Variants in ZFYVE16 observed in about 807,000 individuals in gnomAD.
The protein encoded by ZFYVE16 is zinc finger FYVE-type containing 16.
In ZFYVE16, 89 loss-of-function variants were observed where a neutral mutation model predicts 138.1. The observed-to-expected ratio is 0.64, with a 90% CI of 0.54 to 0.77. The LOEUF is 0.77. ZFYVE16 is among the 30% of genes least tolerant of loss of function. The probability of loss-of-function intolerance (pLI) is 0.00; values close to 1 mark genes in which losing one functional copy is unlikely to be tolerated. For missense variants in ZFYVE16, 1,793 were observed against 1,786.7 expected, an observed-to-expected ratio of 1.00 and a Z score of -0.06; for synonymous variants, 596 against 618.3, an observed-to-expected ratio of 0.96 and a Z score of 0.53.
intron 18 of ZFYVE16, among the ~76,000 whole-genome samples, chr5:80,475,326 G>A (rs1369897126): frequency 6.6e-6 from 1 of 152,204 alleles, no homozygotes; most frequent in Non-Finnish European, 1.5e-5. Flanking sequence ...GGACCACCTC[G>A]CTGAATATTT....
chr5:80,457,163 A>T, intron 14 of ZFYVE16, 71 bp downstream of exon 14: 1 of 1,551,222 alleles, frequency 6.4e-7, no homozygotes, highest in Non-Finnish European at 8.7e-7. Flanking sequence ...CAAAGGGGAA[A>T]TATATGTATA....
chr5:80,428,685 C>T (rs1055709448), intron 2 of ZFYVE16, among the ~76,000 whole-genome samples: 5 of 152,110 alleles, frequency 3.3e-5, no homozygotes, highest in Non-Finnish European at 7.4e-5. Context: ...TCGAACCCAT[C>T]GCAAAGAAGC....
At chr5:80,414,855 G>A (rs951892237) in intron 1 of ZFYVE16, among the ~76,000 whole-genome samples, 1 of 152,164 alleles carries the variant, frequency 6.6e-6, no homozygotes, top group Non-Finnish European at 1.5e-5. Context: ...GGAAAGGAGA[G>A]GTAGGGGATG....
intron 3 of ZFYVE16, chr5:80,435,666 T>C: frequency 2.6e-6 from 1 of 384,330 alleles, no homozygotes; most frequent in Non-Finnish European, 5.2e-6. Context: ...ATTCCTGCCC[T>C]CAGGCAATCC....
chr5:80,416,696 A>G (rs1746313223), intron 1 of ZFYVE16, among the ~76,000 whole-genome samples: 1 of 151,582 alleles, frequency 6.6e-6, no homozygotes, highest in Non-Finnish European at 1.5e-5. Flanking sequence ...GTGTACATCA[A>G]CTTTTACTTT....
intron 2 of ZFYVE16, among the ~76,000 whole-genome samples, chr5:80,431,006 G>A (rs1218365933): frequency 6.6e-6 from 1 of 152,122 alleles, no homozygotes; most frequent in South Asian, 2.1e-4. Context: ...TTCTACCAGA[G>A]GTACAAGGAG....
chr5:80,435,662 G>A, intron 3 of ZFYVE16: 1 of 379,058 alleles, frequency 2.6e-6, no homozygotes, highest in South Asian at 1.9e-5. Context: ...TTGAATTCCT[G>A]CCCTCAGGCA....
intron 15 of ZFYVE16, among the ~76,000 whole-genome samples, chr5:80,470,097 G>GTATA (rs1214177127): frequency 8.1e-6 from 1 of 123,736 alleles, no homozygotes; most frequent in African/African-American, 3.2e-5. Flanking sequence ...GTGTGTGTGT[G>GTATA]TGTATTTTTT....
rs1051354040 is a variant in ZFYVE16, at chr5:80,473,155, T to G, written c.4187+232T>G. On this transcript the variant is annotated intron_variant, in intron 16 of 18. Coordinates refer to ENST00000505560, the MANE Select transcript of ZFYVE16 (RefSeq NM_001284236.3). The stretch of plus-strand genomic sequence containing the variant: ...GGTCCATTTGAGAGGGGCTTGATGA[T>G]GACACATCTGTTGTGTAGCAGTGTG... Among the ~76,000 whole-genome samples, 10 of 152,296 alleles carry G rather than the reference T, an allele frequency of 6.6e-5. 1 individual carries two copies. The East Asian group carries it at 1.7e-3, about 26-fold the overall frequency.
intron 8 of ZFYVE16, among the ~76,000 whole-genome samples, chr5:80,448,744 G>A (rs1048994290): frequency 2.0e-5 from 3 of 152,044 alleles, no homozygotes; most frequent in Admixed American, 6.5e-5. Context: ...AAAGAAAAGA[G>A]CATTAGATTG....
intron 1 of ZFYVE16, among the ~76,000 whole-genome samples, chr5:80,419,919 C>G (rs531279758): frequency 2.0e-5 from 3 of 151,890 alleles, no homozygotes; most frequent in Admixed American, 6.6e-5. Flanking sequence ...TCAAGCGATT[C>G]TCCTGCCTCA....
rs770823992 is a variant in ZFYVE16 at position 80,437,224 on chromosome 5, A to G, written c.539A>G (p.His180Arg). Residue 180 changes from histidine (H) to arginine (R), a missense_variant, in exon 4 of 19, where the codon CAT (histidine) becomes CGT (arginine). Around this residue, in one of 2 missense-constraint regions of ZFYVE16, gnomAD observed 1,295 missense variants for 1,204.3 expected, o/e 1.08. Coordinates refer to ENST00000505560, the MANE Select transcript of ZFYVE16 (RefSeq NM_001284236.3). Reference sequence around the variant, plus strand: ...ACTCCCTGTGTTTCTTCAACAGACCATGATAGTGATACTGTCAGAGAACAA... The same window carrying G: ...ACTCCCTGTGTTTCTTCAACAGACCGTGATAGTGATACTGTCAGAGAACAA... ...SDTPCVSSTDHDSDTVREQQN... is the reference protein window; with the variant it reads ...SDTPCVSSTDRDSDTVREQQN... The G allele has an allele frequency of 1.2e-5, 20 of 1,613,960 alleles. No homozygotes were observed. Among genetic ancestry groups the G allele is most frequent in the Middle Eastern group, 3.3e-4 (2 of 6,062 alleles).
chr5:80,481,146 T>A lies in ZFYVE16; in HGVS notation c.*3769T>A, dbSNP rs144298112. Among the ~76,000 whole-genome samples, 2 of 152,250 alleles carry A rather than the reference T, an allele frequency of 1.3e-5. No individual in the cohort carries two copies. The highest frequency in any genetic ancestry group is 1.9e-4 in the East Asian group (1 of 5,176). On this transcript the variant is annotated 3_prime_UTR_variant, in exon 19 of 19. Transcript: ENST00000505560. ...TAATGACTTGGAACCTTCTGGACTT[T>A]CCTTGCTCTACATCAATCCCGCAGC... is the stretch of plus-strand genomic sequence containing the variant.
chr5:80,448,362 A>C lies in ZFYVE16; in HGVS notation c.3061A>C (p.Ser1021Arg). 1.3e-6 allele frequency: 2 copies of C among 1,578,980 alleles called. No homozygotes were observed. The highest frequency in any genetic ancestry group is 1.7e-4 in the Middle Eastern group (1 of 5,944). ...TAGTCTTCTACCTAATGATGAGGAC[A>C]GTTTGCCCCCACTTCTGGTTGCATC... ...KISLLPNDED[S>R]LPPLLVASGE... The change falls in exon 8 of 19, where the codon AGT (serine) becomes CGT (arginine). Residue 1021 changes from serine (S) to arginine (R), a missense_variant. Physicochemically the swap from Ser to Arg is moderately radical, Grantham distance 110. This residue lies in a region of ZFYVE16 where 1,295 missense variants were observed against 1,204.3 expected (regional missense o/e 1.08). Coordinates refer to ENST00000505560, the MANE Select transcript of ZFYVE16 (RefSeq NM_001284236.3).
At chr5:80,460,265 T>C (rs1752962536) in intron 15 of ZFYVE16, among the ~76,000 whole-genome samples, 2 of 152,216 alleles carry the variant, frequency 1.3e-5, no homozygotes, top group African/African-American at 4.8e-5. Context: ...TTATTGGACA[T>C]GCATGTTGCC....
rs114638288 is a variant in ZFYVE16 at position 80,466,410 on chromosome 5, T to C, written c.4025-6351T>C. 5.3e-3 allele frequency among the ~76,000 whole-genome samples: 802 copies of C among 152,342 alleles called. 4 individuals carry two copies. The highest frequency in any genetic ancestry group is 0.018 in the African/African-American group (740 of 41,576). On this transcript the variant is annotated intron_variant, in intron 15 of 18. Transcript: ENST00000505560. ...AGTGAAGTTTTCATTTTAATTGTAATTTTGAACTCCAGAATTTGTATTTTT... is the reference window on the plus strand; with the variant it reads ...AGTGAAGTTTTCATTTTAATTGTAACTTTGAACTCCAGAATTTGTATTTTT...
In ZFYVE16 at chr5:80,479,045, C is replaced by T. The variant is rs1013464738; in HGVS notation, c.*1668C>T. Reference sequence around the variant, plus strand: ...AATAACCAAATGGTAGAGGGCTGTTCCATGATGGGACAGCTTTGGATTTGT... The same window carrying T: ...AATAACCAAATGGTAGAGGGCTGTTTCATGATGGGACAGCTTTGGATTTGT... On this transcript the variant is annotated 3_prime_UTR_variant, in exon 19 of 19. Coordinates refer to ENST00000505560, the MANE Select transcript of ZFYVE16 (RefSeq NM_001284236.3). 5.3e-5 allele frequency: 8 copies of T among 152,180 alleles called. No homozygotes were observed. The highest frequency in any genetic ancestry group is 8.8e-5 in the Non-Finnish European group (6 of 67,972). 9.4% of individuals were successfully genotyped at this position (152,180 alleles called of 1,614,324 possible). A position where few individuals can be genotyped will look rare whatever the true frequency, so the allele number is the denominator to read the frequency against.
intron 15 of ZFYVE16, among the ~76,000 whole-genome samples, chr5:80,470,002 T>C (rs1184209779): frequency 6.6e-6 from 1 of 151,704 alleles, no homozygotes; most frequent in Admixed American, 6.6e-5. Flanking sequence ...TTTATGTCTT[T>C]GAATATACAT....
At chr5:80,416,270 T>G (rs1319805079) in intron 1 of ZFYVE16, among the ~76,000 whole-genome samples, 7 of 146,916 alleles carry the variant, frequency 4.8e-5, no homozygotes, top group African/African-American at 1.8e-4. Flanking sequence ...TTTTTTTTTT[T>G]TTTGAGACAA....
Sources: gnomAD v4.1 joint callset for allele counts (sites outside exome capture counted in the v4.1 genomes callset) on GRCh38, gnomAD v4.1.1 for gene constraint, gnomAD v4.1.1 regional missense constraint, MANE v1.5 for transcripts, NCBI Gene and HGNC (gene_info 2026-07-23, HGNC 2026-07-21) for gene names.